The following SDK1 variants were observed in gnomAD, a reference collection of about 807,000 sequenced individuals.
SDK1 encodes the protein sidekick cell adhesion molecule 1, also known as protein sidekick-1.
A neutral mutation model predicts 245.5 loss-of-function variants in SDK1; 157 were observed. That is an observed-to-expected ratio of 0.64 (90% CI 0.56 to 0.73). The LOEUF is 0.73. Among genes scored for constraint, SDK1 ranks in the 30% least tolerant of loss-of-function variants. SDK1 has a pLI of 0.00. For synonymous variants in SDK1, 1,647 were observed against 1,278.5 expected (o/e 1.29, Z -6.15); for missense variants, 3,583 against 3,002.3 (o/e 1.19, Z -4.52).
At chr7:3,333,672 A>T (rs1455889691) in intron 1 of SDK1, among the ~76,000 whole-genome samples, 2 of 152,084 alleles carry the variant, frequency 1.3e-5, no homozygotes, top group Admixed American at 6.6e-5. Flanking sequence ...TCTTGTACCC[A>T]TGTGGCTCAG....
Position 4,227,275 on chromosome 7 carries a change from C to G in SDK1, c.5827+5911C>G, listed in dbSNP as rs530218166. 351 of 436,426 alleles carry G rather than the reference C, an allele frequency of 8.0e-4. 2 individuals are homozygous for G. The highest frequency in any genetic ancestry group is 2.5e-4 in the Non-Finnish European group (52 of 211,286). The allele number at this position is 436,426 out of a possible 1,614,324, so 27.0% of individuals were successfully genotyped here. On this transcript the variant is annotated intron_variant, in intron 40 of 44. Transcript: ENST00000404826. ...ATGTGCTGCTTGTCTTTCTCATAAG[C>G]TGCTTGTCTTTCTCATAAGCGTGTT...
chr7:3,428,371 C>T (rs1486546044), intron 1 of SDK1, among the ~76,000 whole-genome samples: 1 of 152,174 alleles, frequency 6.6e-6, no homozygotes, highest in Non-Finnish European at 1.5e-5. Flanking sequence ...CAGAACTGTG[C>T]AAAGCAAGGA....
chr7:3,958,527 A>C (rs1432006871), intron 7 of SDK1, among the ~76,000 whole-genome samples: 1 of 152,250 alleles, frequency 6.6e-6, no homozygotes, highest in African/African-American at 2.4e-5. Context: ...GCTGTTGCCC[A>C]ATACAGGCTG....
intron 32 of SDK1, among the ~76,000 whole-genome samples, chr7:4,169,130 C>G (rs751348149): frequency 1.3e-5 from 2 of 152,218 alleles, no homozygotes; most frequent in Non-Finnish European, 2.9e-5. Flanking sequence ...TCACTGCCAT[C>G]TCTCATTCAG....
intron 19 of SDK1, among the ~76,000 whole-genome samples, chr7:4,061,067 A>G (rs1779510287): frequency 6.6e-6 from 1 of 152,222 alleles, no homozygotes; most frequent in Non-Finnish European, 1.5e-5. Context: ...GTTTGAAGTC[A>G]GGTAGCGTGA....
At chr7:3,312,529 C>T (rs1779574518) in intron 1 of SDK1, among the ~76,000 whole-genome samples, 1 of 150,776 alleles carries the variant, frequency 6.6e-6, no homozygotes, top group Non-Finnish European at 1.5e-5. Context: ...GGAAAAGAAC[C>T]CAGTAGGACT....
chr7:3,457,321 G>T (rs1396589061), intron 1 of SDK1, among the ~76,000 whole-genome samples: 2 of 152,216 alleles, frequency 1.3e-5, no homozygotes, highest in East Asian at 3.9e-4. Context: ...TAACCAGTTA[G>T]TTTGCCTCTT....
At chr7:3,344,131 C>G (rs189970482) in intron 1 of SDK1, among the ~76,000 whole-genome samples, 55 of 151,590 alleles carry the variant, frequency 3.6e-4, no homozygotes, top group African/African-American at 1.1e-3. Context: ...ACAGTGAAAA[C>G]TGTGTGCAGG....
At chr7:3,454,050 C>T (rs1193456697) in intron 1 of SDK1, among the ~76,000 whole-genome samples, 1 of 152,116 alleles carries the variant, frequency 6.6e-6, no homozygotes, top group African/African-American at 2.4e-5. Context: ...TTGTCATTTT[C>T]ATTAAAAGGC....
intron 1 of SDK1, among the ~76,000 whole-genome samples, chr7:3,386,085 A>T (rs562642522): frequency 1.6e-3 from 251 of 152,314 alleles, no homozygotes; most frequent in African/African-American, 5.9e-3. Context: ...GACAGGATTG[A>T]GTAGGTAGAC....
intron 1 of SDK1, among the ~76,000 whole-genome samples, chr7:3,488,191 T>A (rs1459691143): frequency 6.6e-6 from 1 of 152,132 alleles, no homozygotes; most frequent in African/African-American, 2.4e-5. Flanking sequence ...GTTTTCTGCC[T>A]CCCGTTCCCT....
chr7:3,505,337 C>T (rs890104949), intron 1 of SDK1, among the ~76,000 whole-genome samples: 1 of 152,084 alleles, frequency 6.6e-6, no homozygotes, highest in African/African-American at 2.4e-5. Context: ...GCCTCAAACC[C>T]CTTGGCTCAA....
intron 17 of SDK1, among the ~76,000 whole-genome samples, chr7:4,025,277 G>C (rs1015233129): frequency 6.6e-6 from 1 of 152,204 alleles, no homozygotes; most frequent in Non-Finnish European, 1.5e-5. Context: ...TTCGGAAAAA[G>C]CTTCCGCCGA....
intron 35 of SDK1, among the ~76,000 whole-genome samples, chr7:4,203,405 C>T (rs941600090): frequency 6.6e-6 from 1 of 152,178 alleles, no homozygotes; most frequent in African/African-American, 2.4e-5. Flanking sequence ...TAGCGTGAGA[C>T]CCCAGAGAAA....
At chr7:3,785,057 A>G (rs752894491) in intron 4 of SDK1, among the ~76,000 whole-genome samples, 1 of 152,254 alleles carries the variant, frequency 6.6e-6, no homozygotes, top group Non-Finnish European at 1.5e-5. Flanking sequence ...TTGCAGCAGC[A>G]TGGATGGAAT....
chr7:3,479,421 C>CAAAA (rs56094646), intron 1 of SDK1, among the ~76,000 whole-genome samples: 13 of 66,564 alleles, frequency 2.0e-4, no homozygotes, highest in African/African-American at 5.1e-4. Flanking sequence ...GACTGTGTCT[C>CAAAA]AAAAAAAAAA....
chr7:3,860,559 G>T (rs1780665957), intron 5 of SDK1, among the ~76,000 whole-genome samples: 1 of 152,180 alleles, frequency 6.6e-6, no homozygotes, highest in African/African-American at 2.4e-5. Flanking sequence ...TGCAATTGAT[G>T]TGTAAATTAA....
At chr7:3,645,893 C>G (rs1210588631) in intron 4 of SDK1, among the ~76,000 whole-genome samples, 1 of 151,304 alleles carries the variant, frequency 6.6e-6, no homozygotes, top group Non-Finnish European at 1.5e-5. Context: ...GAGTCTTGTT[C>G]TGTTGCCCAG....
chr7:3,679,366 A>T (rs1784025346), intron 4 of SDK1, among the ~76,000 whole-genome samples: 1 of 152,140 alleles, frequency 6.6e-6, no homozygotes, highest in African/African-American at 2.4e-5. Flanking sequence ...GGAGATCGAG[A>T]CCATCCTGGC....
Sources: gnomAD v4.1 joint callset for allele counts (sites outside exome capture counted in the v4.1 genomes callset) on GRCh38, gnomAD v4.1.1 for gene constraint, MANE v1.5 for transcripts, NCBI Gene and HGNC (gene_info 2026-07-23, HGNC 2026-07-21) for gene names.